The following PDE1C variants were observed in gnomAD, a reference collection of about 807,000 sequenced individuals.
PDE1C encodes the protein phosphodiesterase 1C.
In PDE1C, 62 loss-of-function variants were observed where a neutral mutation model predicts 93.1. The ratio of observed to expected loss-of-function variants is 0.67; its 90% CI spans 0.54 to 0.82. The LOEUF (loss-of-function observed/expected upper bound fraction) is 0.82. Among genes scored for constraint, PDE1C ranks in the 40% least tolerant of loss-of-function variants. The pLI is 0.00. For missense variants in PDE1C, 742 were observed against 884.6 expected (o/e 0.84, Z 2.04); for synonymous variants, 325 against 310.1 (o/e 1.05, Z -0.50).
the PDE1C span, among the ~76,000 whole-genome samples, chr7:31,716,963 C>A: frequency 1.2e-4 from 19 of 152,112 alleles, no homozygotes; most frequent in Non-Finnish European, 2.1e-4. Context: ...CGAGAGGAAG[C>A]AACACCAACC....
At chr7:32,192,061 T>G (rs1269403479) in intron 2 of PDE1C, among the ~76,000 whole-genome samples, 9 of 152,190 alleles carry the variant, frequency 5.9e-5, no homozygotes, top group Non-Finnish European at 1.2e-4. Flanking sequence ...TCAAAATGCA[T>G]CGTTTGCTTT....
chr7:32,379,768 A>G lies in PDE1C; in HGVS notation c.310+48054T>C, dbSNP rs867929388. Among the ~76,000 whole-genome samples, 8 of 152,206 alleles carry G rather than the reference A, an allele frequency of 5.3e-5. 1 individual carries two copies. In the Middle Eastern group the frequency reaches 0.017, roughly 324 times the overall value. On this transcript the variant is annotated intron_variant, in intron 1 of 1. Coordinates refer to the PDE1C transcript ENST00000672256. ...TTCTGATAATAAGTTCATCAAATTCACTCTACATTTCTAAGTCCAGAAATC... is the reference window on the plus strand; with the variant it reads ...TTCTGATAATAAGTTCATCAAATTCGCTCTACATTTCTAAGTCCAGAAATC...
At chr7:31,665,858 A>G in the PDE1C span, among the ~76,000 whole-genome samples, 1 of 152,180 alleles carries the variant, frequency 6.6e-6, no homozygotes, top group Non-Finnish European at 1.5e-5. Flanking sequence ...AGGGGGTTGA[A>G]CATTAGGAAA....
chr7:31,971,025 C>T (rs1810883466), intron 2 of PDE1C, among the ~76,000 whole-genome samples: 1 of 152,064 alleles, frequency 6.6e-6, no homozygotes, highest in Admixed American at 6.6e-5. Flanking sequence ...GCCTGTAATC[C>T]CAGCTACTCC....
intron 3 of PDE1C, among the ~76,000 whole-genome samples, chr7:32,165,340 G>A (rs1480132467): frequency 6.6e-6 from 1 of 152,166 alleles, no homozygotes; most frequent in East Asian, 1.9e-4. Context: ...CCCAGGAAGG[G>A]GGTCTCTTTA....
chr7:31,883,108 C>G (rs1175823321), intron 2 of PDE1C, among the ~76,000 whole-genome samples: 1 of 152,050 alleles, frequency 6.6e-6, no homozygotes, highest in East Asian at 1.9e-4. Flanking sequence ...CATCAAAAAG[C>G]AATTTAATAA....
intron 8 of PDE1C, 67 bp from the exon 9 acceptor site, chr7:31,848,163 G>C (rs1583589310): frequency 6.6e-6 from 10 of 1,516,280 alleles, no homozygotes; most frequent in Non-Finnish European, 9.0e-6. Context: ...AATTCTAACA[G>C]GCTAGAACGC....
intron 1 of PDE1C, chr7:32,298,544 C>T (rs935486487): frequency 5.8e-6 from 8 of 1,375,912 alleles, no homozygotes; most frequent in Non-Finnish European, 8.0e-6. Context: ...CCTCCGGCCC[C>T]AGCCCGACCC....
the PDE1C span, among the ~76,000 whole-genome samples, chr7:31,675,015 G>A: frequency 3.3e-5 from 5 of 152,290 alleles, no homozygotes; most frequent in Non-Finnish European, 7.4e-5. Flanking sequence ...AAAGGCTTAC[G>A]CTTGCTACTT....
At chr7:31,866,614 T>C (rs373538364) in intron 6 of PDE1C, among the ~76,000 whole-genome samples, 1 of 152,116 alleles carries the variant, frequency 6.6e-6, no homozygotes. Context: ...TGGCTAACTA[T>C]AGGCATCTGG....
intron 6 of PDE1C, among the ~76,000 whole-genome samples, chr7:31,868,485 C>T (rs1325888681): frequency 6.6e-6 from 1 of 151,842 alleles, no homozygotes; most frequent in Non-Finnish European, 1.5e-5. Context: ...CAGGTCTTCA[C>T]AAAAAATGCA....
intron 3 of PDE1C, among the ~76,000 whole-genome samples, chr7:32,148,875 G>A (rs1417695284): frequency 6.6e-6 from 1 of 152,138 alleles, no homozygotes; most frequent in Non-Finnish European, 1.5e-5. Context: ...GTGGATTTCA[G>A]TTACATAACA....
At chr7:31,920,464 G>C (rs568790761) in intron 2 of PDE1C, among the ~76,000 whole-genome samples, 1 of 152,186 alleles carries the variant, frequency 6.6e-6, no homozygotes, top group Admixed American at 6.5e-5. Flanking sequence ...GGTGAGGTTG[G>C]GGTGGCCTGG....
At chr7:31,784,421 A>G (rs1489797111) in intron 16 of PDE1C, 1 of 152,234 alleles carries the variant, frequency 6.6e-6, no homozygotes, top group African/African-American at 2.4e-5. Context: ...CCTTTTCCCA[A>G]GCTATTTCTG....
chr7:32,184,070 G>A (rs1021022461), intron 2 of PDE1C, among the ~76,000 whole-genome samples: 4 of 152,222 alleles, frequency 2.6e-5, no homozygotes, highest in Non-Finnish European at 4.4e-5. Context: ...CTGGCCATCA[G>A]AGAAATGCAA....
chr7:32,282,954 A>C (rs1286918374), intron 1 of PDE1C, among the ~76,000 whole-genome samples: 4 of 152,188 alleles, frequency 2.6e-5, no homozygotes, highest in Non-Finnish European at 5.9e-5. Context: ...TCAACATGAA[A>C]CCTCAAACCT....
chr7:31,775,190 C>T (rs1795746420), intron 17 of PDE1C, among the ~76,000 whole-genome samples: 2 of 152,300 alleles, frequency 1.3e-5, no homozygotes, highest in Admixed American at 6.5e-5. Context: ...TATGTCAATA[C>T]TGGGCTAAAT....
the PDE1C span, among the ~76,000 whole-genome samples, chr7:31,616,803 A>G: frequency 6.6e-6 from 1 of 151,386 alleles, no homozygotes; most frequent in African/African-American, 2.4e-5. Context: ...ATTTTTTGGT[A>G]GCATAAAAAC....
At position 32,350,105 on chromosome 7, in the gene PDE1C, C is replaced by T. The variant is rs559998663; in HGVS notation, c.310+77717G>A. Among the ~76,000 whole-genome samples, 7 of 143,184 alleles carry T rather than the reference C, an allele frequency of 4.9e-5. No individual in the cohort carries two copies. The South Asian group carries it at 7.6e-4, about 16-fold the overall frequency. 93.9% of individuals were successfully genotyped at this position (143,184 alleles called of 152,430 possible). The stretch of plus-strand genomic sequence containing the variant: ...GTTGTTGTTGTTGTTCTTCTTCTTC[C>T]TTCTTCTTTTTCTTCCTTCTTCTTT... On this transcript the variant is annotated intron_variant, in intron 1 of 1. Coordinates refer to the PDE1C transcript ENST00000672256.
Sources: allele counts gnomAD v4.1 joint callset (sites outside exome capture counted in the v4.1 genomes callset), GRCh38; gene constraint gnomAD v4.1.1; transcripts MANE v1.5; gene names NCBI Gene and HGNC (gene_info 2026-07-23, HGNC 2026-07-21).